GINS3: variants seen among roughly 807,000 people sequenced by gnomAD.
GINS3 encodes the protein GINS complex subunit 3, also known as DNA replication complex GINS protein PSF3.
In GINS3, 18 loss-of-function variants were observed where a neutral mutation model predicts 20.0. The observed-to-expected ratio is 0.90, with a 90% CI of 0.62 to 1.33. The LOEUF is 1.33. Ranked by LOEUF, GINS3 falls within the 40% of genes most tolerant of loss-of-function variation. GINS3 has a pLI of 0.00. For missense variants in GINS3, 254 were observed against 273.6 expected (o/e 0.93, Z 0.51); for synonymous variants, 109 against 107.0 (o/e 1.02, Z -0.12).
At chr16:58,404,372 G>A in intron 2 of GINS3, 127 bp from the exon 3 acceptor site, 2 of 658,466 alleles carry the variant, frequency 3.0e-6, no homozygotes, top group South Asian at 3.9e-5. Context: ...AGGGAATTCA[G>A]ACCTCCTTCT....
intron 2 of GINS3, 144 bp downstream of exon 2, chr16:58,403,475 T>C (rs1965985050): frequency 1.6e-6 from 1 of 617,538 alleles, no homozygotes; most frequent in Admixed American, 2.9e-5. Flanking sequence ...TGTCTGTCCA[T>C]TTTATATATT....
intron 1 of GINS3, among the ~76,000 whole-genome samples, chr16:58,396,605 G>A (rs1212261433): frequency 5.7e-4 from 9 of 15,708 alleles, no homozygotes; most frequent in African/African-American, 3.2e-3. Flanking sequence ...GCGGCTGGCC[G>A]GGCGGGGGGC....
chr16:58,403,311 A>T lies in GINS3; in HGVS notation c.400A>T (p.Ile134Phe). The T allele has an allele frequency of 6.2e-7, 1 of 1,613,902 alleles. No homozygotes were observed. The highest frequency in any genetic ancestry group is 8.5e-7 in the Non-Finnish European group (1 of 1,179,994). ...TTTTGACAGTCCCGAGAATGCAGAC[A>T]TTTCCCAGTCTCTGCTGCAGGCAAG... Reference protein sequence around the residue: ...LHFDSPENADISQSLLQTFIG... With the variant: ...LHFDSPENADFSQSLLQTFIG... The change falls in exon 2 of 3, where the codon ATT becomes TTT. Residue 134 changes from isoleucine to phenylalanine, a missense_variant. Ile to Phe is a conservative substitution (Grantham distance 21). Transcript: ENST00000318129.
chr16:58,396,896 C>A (rs1164012720), intron 1 of GINS3, among the ~76,000 whole-genome samples: 1 of 146,520 alleles, frequency 6.8e-6, no homozygotes, highest in Non-Finnish European at 1.5e-5. Flanking sequence ...GGGGCTGACC[C>A]CCCCACCTCC....
In GINS3 at chr16:58,405,266, A is replaced by T. The variant is rs1183080801; in HGVS notation, c.*537A>T. On this transcript the variant is annotated 3_prime_UTR_variant, in exon 3 of 3. Coordinates refer to ENST00000318129, the MANE Select transcript of GINS3 (RefSeq NM_022770.4). Reference sequence around the variant, plus strand: ...TGCAGGGAGTTACCCCAGTTTCCAAAAACAGTCGCCCAGATAAAGGAGGAA... The same window carrying T: ...TGCAGGGAGTTACCCCAGTTTCCAATAACAGTCGCCCAGATAAAGGAGGAA... 6.5e-6 allele frequency: 1 copy of T among 153,674 alleles called. No individual in the cohort carries two copies. Among genetic ancestry groups the T allele is most frequent in the Non-Finnish European group, 1.4e-5 (1 of 69,178 alleles). 9.5% of individuals were successfully genotyped at this position (153,674 alleles called of 1,614,324 possible).
intron 1 of GINS3, among the ~76,000 whole-genome samples, chr16:58,401,191 T>C (rs182030961): frequency 1.3e-5 from 2 of 152,076 alleles, no homozygotes; most frequent in East Asian, 3.9e-4. Context: ...TTCCTAAAGG[T>C]GGTGTGTCCG....
chr16:58,400,629 C>T (rs1228967743), intron 1 of GINS3, among the ~76,000 whole-genome samples: 1 of 152,196 alleles, frequency 6.6e-6, no homozygotes, highest in Non-Finnish European at 1.5e-5. Flanking sequence ...AGCCTCAGGC[C>T]TACTGTGTAT....
intron 1 of GINS3, 80 bp downstream of exon 1, chr16:58,392,867 G>A (rs1965802789): frequency 7.3e-7 from 1 of 1,376,618 alleles, no homozygotes; most frequent in Non-Finnish European, 9.7e-7. Flanking sequence ...GCCGCATCGG[G>A]GCGCGCTGCC....
Position 58,405,047 on chromosome 16 carries a change from G to T in GINS3, c.*318G>T. On this transcript the variant is annotated 3_prime_UTR_variant, in exon 3 of 3. Transcript: ENST00000318129. ...TATATCACAGTAGAGTTGCAACTGA[G>T]ATTCCTTGTGTCTGGGAGTTTGGAC... 3.7e-6 allele frequency: 1 copy of T among 271,980 alleles called. No individual in the cohort carries two copies. Among genetic ancestry groups the T allele is most frequent in the South Asian group, 5.5e-5 (1 of 18,312 alleles). 16.8% of individuals were successfully genotyped at this position (271,980 alleles called of 1,614,324 possible).
intron 1 of GINS3, among the ~76,000 whole-genome samples, chr16:58,401,285 G>A (rs1163377035): frequency 6.6e-6 from 1 of 152,134 alleles, no homozygotes; most frequent in Non-Finnish European, 1.5e-5. Flanking sequence ...CAGGAGTGAA[G>A]CTGCAGACCT....
intron 1 of GINS3, among the ~76,000 whole-genome samples, chr16:58,402,169 T>C (rs1270653649): frequency 1.3e-5 from 2 of 152,232 alleles, no homozygotes; most frequent in Non-Finnish European, 2.9e-5. Context: ...CCAGTAAACA[T>C]GTTAAATTTG....
intron 1 of GINS3, among the ~76,000 whole-genome samples, chr16:58,401,061 C>T (rs964637188): frequency 2.0e-5 from 3 of 151,930 alleles, no homozygotes; most frequent in Non-Finnish European, 2.9e-5. Context: ...GTGATTTGCC[C>T]GCCTTGGCCT....
intron 1 of GINS3, among the ~76,000 whole-genome samples, chr16:58,401,931 C>CT (rs5817144): frequency 0.19 from 28,556 of 151,876 alleles, 3,445 homozygotes; most frequent in African/African-American, 0.36. Context: ...GGTTTGATAC[C>CT]TTTTTTAATT....
intron 1 of GINS3, among the ~76,000 whole-genome samples, chr16:58,394,093 G>T (rs1490137276): frequency 6.6e-6 from 1 of 152,010 alleles, no homozygotes; most frequent in Non-Finnish European, 1.5e-5. Flanking sequence ...GGTAAACATG[G>T]CGCTATGCTG....
chr16:58,403,492 T>TACACAC (rs371591519), intron 2 of GINS3, 161 bp downstream of exon 2: 16,792 of 592,346 alleles, frequency 0.028, 206 homozygotes, highest in Non-Finnish European at 0.036. Context: ...TATTTACATA[T>TACACAC]ATACACACAC....
In GINS3 at chr16:58,392,576, G is replaced by T. The variant is rs1965792513; in HGVS notation, c.-26G>T. 1 of 1,611,628 alleles carries T rather than the reference G, an allele frequency of 6.2e-7. No homozygotes were observed. The highest frequency in any genetic ancestry group is 8.5e-7 in the Non-Finnish European group (1 of 1,178,154). ...GAGGCTCCTCCGAATCACGCGAGTG[G>T]AAGCGGAGAAGCTCAAGTGGCCGCC... On this transcript the variant is annotated 5_prime_UTR_variant, in exon 1 of 3. Coordinates refer to ENST00000318129, the MANE Select transcript of GINS3 (RefSeq NM_022770.4).
Position 58,392,632 on chromosome 16 carries a change from G to C in GINS3, c.31G>C (p.Gly11Arg), listed in dbSNP as rs751265242. The C allele has an allele frequency of 6.8e-6, 11 of 1,614,088 alleles. No individual in the cohort carries two copies. Among genetic ancestry groups the C allele is most frequent in the Admixed American group, 3.3e-5 (2 of 60,000 alleles). The change falls in exon 1 of 3, where the codon GGT (glycine) becomes CGT (arginine). Residue 11 changes from glycine (G) to arginine (R), a missense_variant. By Grantham distance (125) the Gly-to-Arg change is moderately radical (BLOSUM62 -2). Transcript: ENST00000318129. ...AGAGGCTTATTTCCGAGTGGAGTCG[G>C]GTGCGCTGGGGCCTGAGGAGAACTT... MSEAYFRVES[G>R]ALGPEENFLS... is the part of the protein sequence containing the mutation.
intron 1 of GINS3, chr16:58,402,857 A>T (rs961606190): frequency 5.4e-6 from 3 of 551,540 alleles, no homozygotes; most frequent in African/African-American, 3.8e-5. Context: ...CACTTATGCT[A>T]CATTTTTGTT....
chr16:58,402,103 G>T (rs1352864569), intron 1 of GINS3, among the ~76,000 whole-genome samples: 1 of 151,908 alleles, frequency 6.6e-6, no homozygotes, highest in Non-Finnish European at 1.5e-5. Flanking sequence ...ACTTTAGTCT[G>T]GTTATTTTCT....
Sources: gnomAD v4.1 joint callset for allele counts (sites outside exome capture counted in the v4.1 genomes callset) on GRCh38, gnomAD v4.1.1 for gene constraint, MANE v1.5 for transcripts, NCBI Gene and HGNC (gene_info 2026-07-23, HGNC 2026-07-21) for gene names.